PIEZO2: variants seen among roughly 807,000 people sequenced by gnomAD.
The protein encoded by PIEZO2 is piezo type mechanosensitive ion channel component 2.
A neutral mutation model predicts 337.3 loss-of-function variants in PIEZO2; 172 were observed. The ratio of observed to expected loss-of-function variants is 0.51; its 90% CI spans 0.45 to 0.58. PIEZO2 has a LOEUF of 0.58. Among genes scored for constraint, PIEZO2 ranks in the 20% least tolerant of loss-of-function variants. The pLI is 0.00. For missense variants in PIEZO2, 3,028 were observed against 3,391.3 expected, an observed-to-expected ratio of 0.89 and a Z score of 2.66; for synonymous variants, 1,251 against 1,228.5, an observed-to-expected ratio of 1.02 and a Z score of -0.38.
At chr18:11,056,771 T>A (rs1394833031) in intron 2 of PIEZO2, among the ~76,000 whole-genome samples, 2 of 151,984 alleles carry the variant, frequency 1.3e-5, no homozygotes, top group Non-Finnish European at 2.9e-5. Flanking sequence ...CCTGGGCCTC[T>A]TCACAGTCAG....
At chr18:10,798,126 G>A (rs556019851) in intron 11 of PIEZO2, among the ~76,000 whole-genome samples, 1 of 152,302 alleles carries the variant, frequency 6.6e-6, no homozygotes, top group African/African-American at 2.4e-5. Context: ...CCCCCTCTCC[G>A]ACAAGCCTTC....
chr18:10,782,329 A>ATATATATATAATTATAATATATTATAAT (rs2039031571), intron 17 of PIEZO2, among the ~76,000 whole-genome samples: 1 of 88,990 alleles, frequency 1.1e-5, no homozygotes, highest in Non-Finnish European at 1.9e-5. Flanking sequence ...TATTATAATT[A>ATATATATATAATTATAATATATTATAAT]TATATAAATA....
chr18:10,942,287 T>G lies in PIEZO2; in HGVS notation c.287-31059A>C, dbSNP rs566543024. 4.6e-5 allele frequency among the ~76,000 whole-genome samples: 7 copies of G among 152,266 alleles called. No homozygotes were observed. The highest frequency in any genetic ancestry group is 8.8e-5 in the Non-Finnish European group (6 of 68,026). On this transcript the variant is annotated intron_variant, in intron 3 of 55. Transcript: ENST00000674853. This position sits in a 1 kb window ranked among gnomAD's most constrained non-coding sequence, Gnocchi z 4.4. ...CAGAGGTTGGAACAGCTTAGAGGGC[T>G]CAGAAGAAGACAGGAATATGTGGGA...
At chr18:11,093,866 C>G (rs1366889761) in intron 1 of PIEZO2, among the ~76,000 whole-genome samples, 1 of 152,188 alleles carries the variant, frequency 6.6e-6, no homozygotes, top group Non-Finnish European at 1.5e-5. Flanking sequence ...TATGGCAGAG[C>G]CTACCACACA....
intron 3 of PIEZO2, among the ~76,000 whole-genome samples, chr18:10,931,351 C>T (rs926892050): frequency 1.1e-4 from 17 of 152,114 alleles, no homozygotes; most frequent in African/African-American, 3.9e-4. Flanking sequence ...AGGCGCCTGC[C>T]ACCACGCCCA....
Position 10,758,100 on chromosome 18 carries a change from T to A in PIEZO2, c.3792A>T (p.Gln1264His). ...TGTTCTCATCCTCAAAAATCTGCCG[T>A]TGTAAGGAGGCACACAGAAGCAGCA... The part of the protein sequence containing the change: ...DFMLLLCASL[Q>H]RQIFEDENKA... The change falls in exon 27 of 56, where the codon CAA becomes CAT. Residue 1264 changes from glutamine to histidine, a missense_variant. This residue lies in a region of PIEZO2 where 1,925 missense variants were observed against 2,051.9 expected (regional missense o/e 0.94). Coordinates refer to ENST00000674853, the MANE Select transcript of PIEZO2 (RefSeq NM_001378183.1). The A allele has an allele frequency of 6.5e-7, 1 of 1,537,594 alleles. No individual in the cohort carries two copies. Among genetic ancestry groups the A allele is most frequent in the Non-Finnish European group, 8.7e-7 (1 of 1,146,902 alleles).
intron 38 of PIEZO2, 27 bp from the exon 39 acceptor site, chr18:10,714,957 T>A: frequency 6.5e-7 from 1 of 1,534,440 alleles, no homozygotes; most frequent in Non-Finnish European, 8.7e-7. Flanking sequence ...ATTGCCACAG[T>A]TCTTATGGAG....
At position 11,047,935 on chromosome 18, in the gene PIEZO2, C is replaced by T. The variant is rs921673308; in HGVS notation, c.160+18192G>A. Among the ~76,000 whole-genome samples, 2 of 152,184 alleles carry T rather than the reference C, an allele frequency of 1.3e-5. No individual in the cohort carries two copies. The highest frequency in any genetic ancestry group is 1.3e-4 in the Admixed American group (2 of 15,278). ...GCCAGGAAAGAGGAAAAACAGGCATCTTGAGGACGTGAAATCCACATGCAA... is the reference window on the plus strand; with the variant it reads ...GCCAGGAAAGAGGAAAAACAGGCATTTTGAGGACGTGAAATCCACATGCAA... On this transcript the variant is annotated intron_variant, in intron 2 of 55. Transcript: ENST00000674853. This position sits in a 1 kb window ranked among gnomAD's most constrained non-coding sequence, Gnocchi z 7.2.
intron 43 of PIEZO2, among the ~76,000 whole-genome samples, chr18:10,701,495 A>G (rs979879726): frequency 3.4e-4 from 52 of 152,222 alleles, no homozygotes; most frequent in African/African-American, 1.2e-3. Flanking sequence ...TCTCACCAAC[A>G]GCTAGTGGTT....
chr18:10,966,319 A>G (rs539619711), intron 3 of PIEZO2, among the ~76,000 whole-genome samples: 6 of 152,284 alleles, frequency 3.9e-5, no homozygotes, highest in African/African-American at 1.4e-4. Flanking sequence ...GTTCTCTGCT[A>G]CATCATCGCC....
chr18:11,060,960 G>A (rs1048243405), intron 2 of PIEZO2, among the ~76,000 whole-genome samples: 1 of 152,116 alleles, frequency 6.6e-6, no homozygotes, highest in Non-Finnish European at 1.5e-5. Context: ...CAAAACAAGA[G>A]AATTTTAGAC....
Position 10,724,711 on chromosome 18 carries a change from G to A in PIEZO2, c.5030-6452C>T. The A allele has an allele frequency of 7.2e-7, 1 of 1,381,400 alleles. No individual in the cohort carries two copies. Among genetic ancestry groups the A allele is most frequent in the African/African-American group, 1.4e-5 (1 of 69,800 alleles). The allele number at this position is 1,381,400 out of a possible 1,614,324, so 85.6% of individuals were successfully genotyped here. A position where few individuals can be genotyped will look rare whatever the true frequency, so the allele number is the denominator to read the frequency against. ...CCTGCGTCATAGGCTGAAGCACTCA[G>A]ACCGAGATGGGCCACCACTGTACCC... is the stretch of plus-strand genomic sequence containing the variant. On this transcript the variant is annotated intron_variant, in intron 36 of 55. Coordinates refer to ENST00000674853, the MANE Select transcript of PIEZO2 (RefSeq NM_001378183.1). The surrounding 1 kb of genome is among the most constrained non-coding windows in gnomAD (Gnocchi z 5.8).
chr18:10,772,067 GA>G (rs891975084), intron 20 of PIEZO2, among the ~76,000 whole-genome samples: 1 of 152,084 alleles, frequency 6.6e-6, no homozygotes, highest in African/African-American at 2.4e-5. Context: ...AATAACGAAA[GA>G]AAAAAATGTA....
At chr18:10,796,181 G>A (rs1236705047) in intron 12 of PIEZO2, among the ~76,000 whole-genome samples, 1 of 151,710 alleles carries the variant, frequency 6.6e-6, no homozygotes, top group African/African-American at 2.4e-5. Flanking sequence ...TGGCTAACAC[G>A]GTGAAACCCC....
At chr18:10,964,439 C>A (rs1310408138) in intron 3 of PIEZO2, among the ~76,000 whole-genome samples, 1 of 152,012 alleles carries the variant, frequency 6.6e-6, no homozygotes, top group Non-Finnish European at 1.5e-5. Context: ...GAAATAAACA[C>A]AAATAGTAAA....
intron 1 of PIEZO2, among the ~76,000 whole-genome samples, chr18:11,079,638 T>C (rs929790526): frequency 6.6e-6 from 1 of 152,168 alleles, no homozygotes; most frequent in Middle Eastern, 3.2e-3. Flanking sequence ...CAGTAAATAT[T>C]TACTGAAGGA....
intron 1 of PIEZO2, among the ~76,000 whole-genome samples, chr18:11,122,340 C>T (rs890559532): frequency 1.3e-5 from 2 of 152,198 alleles, no homozygotes; most frequent in African/African-American, 4.8e-5. Context: ...TTTTAACAGT[C>T]TCATTTTAAA....
chr18:10,930,818 A>C (rs760440445), intron 3 of PIEZO2, among the ~76,000 whole-genome samples: 4 of 152,190 alleles, frequency 2.6e-5, no homozygotes, highest in Non-Finnish European at 5.9e-5. Flanking sequence ...TTAAAGTCAA[A>C]TGTGTCTTAA....
At position 10,837,063 on chromosome 18, in the gene PIEZO2, A is replaced by G. The variant is rs191718929; in HGVS notation, c.917+18290T>C. Among the ~76,000 whole-genome samples the G allele has an allele frequency of 2.2e-4, 33 of 152,342 alleles. No individual in the cohort carries two copies. The highest frequency in any genetic ancestry group is 7.9e-4 in the African/African-American group (33 of 41,586). ...GGGGTATAATCACTCTTACACACTC[A>G]TAACCTGTATGTTAGTTTCTTAGGC... is the stretch of plus-strand genomic sequence containing the variant. On this transcript the variant is annotated intron_variant, in intron 7 of 55. Transcript: ENST00000674853. This position sits in a 1 kb window ranked among gnomAD's most constrained non-coding sequence, Gnocchi z 4.4.
Sources: allele counts gnomAD v4.1 joint callset (sites outside exome capture counted in the v4.1 genomes callset), GRCh38; gene constraint gnomAD v4.1.1; regional missense constraint gnomAD v4.1.1; non-coding constraint Gnocchi (gnomAD v3.1); transcripts MANE v1.5; gene names NCBI Gene and HGNC (gene_info 2026-07-23, HGNC 2026-07-21).